RIMS1: variants seen among roughly 807,000 people sequenced by gnomAD.
RIMS1 encodes the protein regulating synaptic membrane exocytosis 1.
RIMS1 carries 83 observed loss-of-function variants against 214.1 expected under a neutral mutation model. That is an observed-to-expected ratio of 0.39 (90% CI 0.32 to 0.47). The LOEUF (loss-of-function observed/expected upper bound fraction) is 0.47, where lower values mean the gene tolerates loss of function less well. RIMS1 is among the 20% of genes least tolerant of loss of function. The probability of loss-of-function intolerance (pLI) is 0.99; values close to 1 mark genes in which losing one functional copy is unlikely to be tolerated. For missense variants in RIMS1, 2,050 were observed against 2,161.8 expected, an observed-to-expected ratio of 0.95 and a Z score of 1.03; for synonymous variants, 793 against 786.8, an observed-to-expected ratio of 1.01 and a Z score of -0.13.
intron 18 of RIMS1, among the ~76,000 whole-genome samples, chr6:72,259,375 T>C (rs1228866016): frequency 6.6e-6 from 1 of 152,264 alleles, no homozygotes; most frequent in South Asian, 2.1e-4. Context: ...CTTGTTGACT[T>C]AGATATTGAC....
At chr6:72,148,385 GA>G (rs968910617) in intron 4 of RIMS1, among the ~76,000 whole-genome samples, 122 of 151,132 alleles carry the variant, frequency 8.1e-4, no homozygotes, top group Non-Finnish European at 1.3e-3. Flanking sequence ...AAGAGGGGGA[GA>G]AAAAAAAAGA....
chr6:72,227,178 C>T (rs1451520746), intron 6 of RIMS1, among the ~76,000 whole-genome samples: 3 of 151,876 alleles, frequency 2.0e-5, no homozygotes, highest in Non-Finnish European at 2.9e-5. Context: ...GAAATTAAAA[C>T]ATAATGAAGT....
chr6:71,986,136 G>A (rs75333662), intron 2 of RIMS1, among the ~76,000 whole-genome samples: 17,068 of 149,612 alleles, frequency 0.11, 1,145 homozygotes, highest in Admixed American at 0.18. Flanking sequence ...TTTGTTGTAC[G>A]TCAGAAATTC....
chr6:72,118,223 G>A (rs1288002544), intron 4 of RIMS1, among the ~76,000 whole-genome samples: 6 of 151,062 alleles, frequency 4.0e-5, no homozygotes, highest in Non-Finnish European at 8.9e-5. Flanking sequence ...GATTAAATCA[G>A]GAAGATATAG....
At chr6:72,132,635 G>C (rs2040621503) in intron 4 of RIMS1, among the ~76,000 whole-genome samples, 1 of 152,034 alleles carries the variant, frequency 6.6e-6, no homozygotes, top group African/African-American at 2.4e-5. Context: ...TGCTTGACTT[G>C]CTACATGCTT....
At chr6:72,301,484 C>G (rs532111093) in intron 26 of RIMS1, among the ~76,000 whole-genome samples, 1 of 151,668 alleles carries the variant, frequency 6.6e-6, no homozygotes, top group South Asian at 2.1e-4. Flanking sequence ...TTTAACCAAC[C>G]ATGGATCAAA....
chr6:72,010,681 A>G (rs1810158757), intron 2 of RIMS1, among the ~76,000 whole-genome samples: 1 of 152,082 alleles, frequency 6.6e-6, no homozygotes, highest in Non-Finnish European at 1.5e-5. Flanking sequence ...TTATACACCA[A>G]TAACAGACAA....
rs189750174 is a variant in RIMS1, at chr6:72,163,548, T to C, written c.472-16027T>C. Among the ~76,000 whole-genome samples the C allele has an allele frequency of 1.1e-3, 161 of 140,924 alleles. 27 individuals carry two copies. Among genetic ancestry groups the C allele is most frequent in the South Asian group, 0.011 (48 of 4,238 alleles). The allele number at this position is 140,924 out of a possible 152,430, so 92.5% of individuals were successfully genotyped here. On this transcript the variant is annotated intron_variant, in intron 4 of 33. Coordinates refer to ENST00000521978, the MANE Select transcript of RIMS1 (RefSeq NM_014989.7). ...TTTGGTCTTTGATGATGGTGATGTATAAATGGGTTTTTGGTGTGGATGTCC... is the reference window on the plus strand; with the variant it reads ...TTTGGTCTTTGATGATGGTGATGTACAAATGGGTTTTTGGTGTGGATGTCC...
Position 72,314,741 on chromosome 6 carries a change from T to C in RIMS1, c.4130+1069T>C, listed in dbSNP as rs74732709. Among the ~76,000 whole-genome samples the C allele has an allele frequency of 9.0e-3, 1,370 of 152,274 alleles. 11 individuals are homozygous for C. The highest frequency in any genetic ancestry group is 0.028 in the East Asian group (147 of 5,188). ...GATCAAGGGGTAAGAAGTATTCTTA[T>C]AGATTCCTTTTTATTGAATTCTTAA... is the stretch of plus-strand genomic sequence containing the variant. On this transcript the variant is annotated intron_variant, in intron 28 of 33. Transcript: ENST00000521978.
chr6:72,311,293 G>A (rs1197790334), intron 27 of RIMS1, among the ~76,000 whole-genome samples: 4 of 152,232 alleles, frequency 2.6e-5, no homozygotes, highest in South Asian at 2.1e-4. Context: ...TGTTTGTAAC[G>A]CAGCAACAGT....
intron 6 of RIMS1, among the ~76,000 whole-genome samples, chr6:72,225,737 T>C (rs2059999734): frequency 1.3e-5 from 2 of 152,208 alleles, no homozygotes; most frequent in African/African-American, 4.8e-5. Flanking sequence ...GGAAGCCTGG[T>C]CAGTTGGAAA....
At chr6:72,187,479 G>GTTTTTT (rs61420518) in intron 6 of RIMS1, among the ~76,000 whole-genome samples, 9 of 125,616 alleles carry the variant, frequency 7.2e-5, no homozygotes, top group Non-Finnish European at 4.8e-5. Context: ...TATCCTTTTT[G>GTTTTTT]TTTTTTTTTT....
intron 2 of RIMS1, among the ~76,000 whole-genome samples, chr6:72,072,115 C>G (rs1830709363): frequency 6.6e-6 from 1 of 152,070 alleles, no homozygotes; most frequent in African/African-American, 2.4e-5. Flanking sequence ...TGGAAGAACT[C>G]TGGGTCAGGA....
At chr6:72,075,087 A>G (rs1831464982) in intron 2 of RIMS1, among the ~76,000 whole-genome samples, 1 of 152,020 alleles carries the variant, frequency 6.6e-6, no homozygotes, top group African/African-American at 2.4e-5. Context: ...GCCTGGCTTC[A>G]GTCTTTTATT....
chr6:72,254,129 G>A (rs567330750), intron 16 of RIMS1, among the ~76,000 whole-genome samples: 12 of 152,282 alleles, frequency 7.9e-5, no homozygotes, highest in African/African-American at 2.9e-4. Context: ...CTCCCAAAGT[G>A]CTGGGATTAC....
chr6:71,917,118 T>G (rs770501830), intron 1 of RIMS1, among the ~76,000 whole-genome samples: 13 of 152,166 alleles, frequency 8.5e-5, no homozygotes, highest in African/African-American at 2.9e-4. Flanking sequence ...ATGGTAATAA[T>G]AAAATTACTT....
chr6:72,216,549 CAGTT>C, intron 6 of RIMS1: 2 of 985,444 alleles, frequency 2.0e-6, no homozygotes, highest in Non-Finnish European at 1.2e-6. Context: ...TAAGATTCCT[CAGTT>C]AGGGAAACTG....
intron 1 of RIMS1, among the ~76,000 whole-genome samples, chr6:71,936,917 G>T (rs1477834540): frequency 1.3e-5 from 2 of 151,866 alleles, no homozygotes; most frequent in Non-Finnish European, 2.9e-5. Flanking sequence ...ATGGCTGACA[G>T]TCAGGGAAGA....
intron 28 of RIMS1, among the ~76,000 whole-genome samples, chr6:72,326,074 T>G (rs893888105): frequency 7.9e-5 from 12 of 151,858 alleles, no homozygotes; most frequent in African/African-American, 2.7e-4. Context: ...TTTAAAATTT[T>G]TGTAAACATC....
Sources: allele counts gnomAD v4.1 joint callset (sites outside exome capture counted in the v4.1 genomes callset), GRCh38; gene constraint gnomAD v4.1.1; transcripts MANE v1.5; gene names NCBI Gene and HGNC (gene_info 2026-07-23, HGNC 2026-07-21).